CEP85L: variants seen among roughly 807,000 people sequenced by gnomAD.
CEP85L encodes centrosomal protein of 85 kDa-like.
In CEP85L, 60 loss-of-function variants were observed where a neutral mutation model predicts 100.3. The observed-to-expected ratio is 0.60, with a 90% confidence interval of 0.49 to 0.74. CEP85L has a LOEUF of 0.74. CEP85L is among the 30% of genes least tolerant of loss of function. CEP85L has a pLI of 0.00. For missense variants in CEP85L, 973 were observed against 936.2 expected, an observed-to-expected ratio of 1.04 and a Z score of -0.51; for synonymous variants, 319 against 322.7, an observed-to-expected ratio of 0.99 and a Z score of 0.12.
At chr6:118,567,044 T>G (rs1257423105) in intron 2 of CEP85L, among the ~76,000 whole-genome samples, 1 of 151,970 alleles carries the variant, frequency 6.6e-6, no homozygotes, top group Non-Finnish European at 1.5e-5. Flanking sequence ...TGTGAAAATC[T>G]ATGCCAGATC....
chr6:118,519,593 G>GGT lies in CEP85L; in HGVS notation c.1139+4207_1139+4208dup, dbSNP rs1554211644. On this transcript the variant is annotated intron_variant, in intron 4 of 12. Coordinates refer to ENST00000368491, the MANE Select transcript of CEP85L (RefSeq NM_001042475.3). ...GTGTGTGTGTGTGTGGCGGGGGGGG[G>GGT]GTGTGAAACTCCGTCTCAAAAAAAC... is the stretch of plus-strand genomic sequence containing the variant. Among the ~76,000 whole-genome samples, 35 of 55,140 alleles carry GGT rather than the reference G, an allele frequency of 6.3e-4. 2 individuals carry two copies. The highest frequency in any genetic ancestry group is 1.7e-3 in the East Asian group (4 of 2,296). The allele number at this position is 55,140 out of a possible 152,430, so 36.2% of individuals were successfully genotyped here.
chr6:118,562,786 G>A (rs1268897936), intron 3 of CEP85L, among the ~76,000 whole-genome samples: 2 of 152,114 alleles, frequency 1.3e-5, no homozygotes, highest in Non-Finnish European at 2.9e-5. Flanking sequence ...ACTGCCACCT[G>A]AAGTTCAGAA....
At chr6:118,518,649 C>A (rs1477109795) in intron 4 of CEP85L, among the ~76,000 whole-genome samples, 2 of 152,062 alleles carry the variant, frequency 1.3e-5, no homozygotes, top group Non-Finnish European at 2.9e-5. Context: ...GGATAGCAGT[C>A]TATCTATTTT....
intron 4 of CEP85L, among the ~76,000 whole-genome samples, chr6:118,522,221 G>A (rs1203088207): frequency 1.3e-5 from 2 of 152,100 alleles, no homozygotes; most frequent in African/African-American, 2.4e-5. Context: ...TTAGCCGGGC[G>A]TGACGGCGCA....
chr6:118,709,532 C>CGTGTGTGTGT (rs1209782027), intron 1 of CEP85L, among the ~76,000 whole-genome samples: 8,322 of 87,032 alleles, frequency 0.096, 452 homozygotes, highest in South Asian at 0.11. Context: ...CAACAATTGG[C>CGTGTGTGTGT]GTGTGTGTGT....
intron 5 of CEP85L, among the ~76,000 whole-genome samples, chr6:118,503,984 G>A (rs911761449): frequency 1.3e-5 from 2 of 152,086 alleles, no homozygotes; most frequent in Non-Finnish European, 2.9e-5. Context: ...ACAATGGCAG[G>A]AGAATGAGAA....
At chr6:118,607,325 T>C (rs1409619884) in intron 2 of CEP85L, among the ~76,000 whole-genome samples, 1 of 152,020 alleles carries the variant, frequency 6.6e-6, no homozygotes, top group Non-Finnish European at 1.5e-5. Context: ...GTGGGGAAGG[T>C]GAACAGCTTA....
intron 2 of CEP85L, among the ~76,000 whole-genome samples, chr6:118,572,435 C>G (rs960327249): frequency 6.6e-6 from 1 of 151,742 alleles, no homozygotes; most frequent in Non-Finnish European, 1.5e-5. Context: ...AGCAGGGTGT[C>G]CTGGTGGGCG....
chr6:118,601,282 G>T (rs1306372532), intron 2 of CEP85L, among the ~76,000 whole-genome samples: 1 of 152,080 alleles, frequency 6.6e-6, no homozygotes, highest in Non-Finnish European at 1.5e-5. Flanking sequence ...CTCTGTAAAG[G>T]CTATCAGTTA....
chr6:118,540,091 A>G (rs913718509), intron 3 of CEP85L, among the ~76,000 whole-genome samples: 3 of 150,432 alleles, frequency 2.0e-5, no homozygotes, highest in African/African-American at 7.4e-5. Flanking sequence ...CCAGTTCATC[A>G]CTGGCCTATA....
intron 1 of CEP85L, among the ~76,000 whole-genome samples, chr6:118,669,083 A>T (rs1776217404): frequency 6.6e-6 from 1 of 152,244 alleles, no homozygotes; most frequent in Non-Finnish European, 1.5e-5. Flanking sequence ...TGTCTCTAAA[A>T]ATATATAGAA....
At position 118,464,596 on chromosome 6, in the gene CEP85L, A is replaced by G. The variant is rs950824646; in HGVS notation, c.*809T>C. 11 of 151,764 alleles carry G rather than the reference A, an allele frequency of 7.2e-5. No individual in the cohort carries two copies. The highest frequency in any genetic ancestry group is 2.7e-4 in the African/African-American group (11 of 41,324). 9.4% of individuals were successfully genotyped at this position (151,764 alleles called of 1,614,324 possible). A position where few individuals can be genotyped will look rare whatever the true frequency, so the allele number is the denominator to read the frequency against. On this transcript the variant is annotated 3_prime_UTR_variant, in exon 13 of 13. Transcript: ENST00000368491. The stretch of plus-strand genomic sequence containing the variant: ...TGGCTTTGTTTACATTTATATATGT[A>G]TATATATAAAACATATAAATAAAAA...
At chr6:118,534,167 C>G (rs1777454094) in intron 3 of CEP85L, among the ~76,000 whole-genome samples, 1 of 152,052 alleles carries the variant, frequency 6.6e-6, no homozygotes, top group Non-Finnish European at 1.5e-5. Context: ...CTACTAGAAC[C>G]AATAAGTGAC....
At chr6:118,543,885 C>T (rs1292584725) in intron 3 of CEP85L, among the ~76,000 whole-genome samples, 2 of 152,100 alleles carry the variant, frequency 1.3e-5, no homozygotes, top group South Asian at 2.1e-4. Flanking sequence ...GAAAGAGTCA[C>T]AACGAAGGGT....
rs1383031990 is a variant in CEP85L at position 118,600,800 on chromosome 6, T to TAA, written c.232+31652_232+31653insTT. 1.3e-3 allele frequency among the ~76,000 whole-genome samples: 128 copies of TAA among 101,406 alleles called. 1 individual carries two copies. Among genetic ancestry groups the TAA allele is most frequent in the South Asian group, 3.4e-3 (10 of 2,972 alleles). 66.5% of individuals were successfully genotyped at this position (101,406 alleles called of 152,430 possible). A position where few individuals can be genotyped will look rare whatever the true frequency, so the allele number is the denominator to read the frequency against. On this transcript the variant is annotated intron_variant, in intron 2 of 12. Transcript: ENST00000368491. Reference sequence around the variant, plus strand: ...CCCTGCCTTCAGAGGGTTGTCTTTTTTAAAAAAAAAAAAAATCTTGAGTTT... The same window carrying TAA: ...CCCTGCCTTCAGAGGGTTGTCTTTTTAATAAAAAAAAAAAAAATCTTGAGTTT...
At chr6:118,542,917 A>AAAAAAAAAAC (rs758286537) in intron 3 of CEP85L, among the ~76,000 whole-genome samples, 28 of 150,064 alleles carry the variant, frequency 1.9e-4, no homozygotes, top group Admixed American at 3.3e-4. Flanking sequence ...AAAAAAAAAA[A>AAAAAAAAAAC]AAAAAACAGG....
chr6:118,635,770 T>C (rs548078545), intron 1 of CEP85L, among the ~76,000 whole-genome samples: 9 of 152,320 alleles, frequency 5.9e-5, no homozygotes, highest in Non-Finnish European at 8.8e-5. Flanking sequence ...CTATTGATTG[T>C]TGACAAGTCT....
At chr6:118,709,554 TGTGA>T (rs1311554563) in intron 1 of CEP85L, among the ~76,000 whole-genome samples, 6 of 147,358 alleles carry the variant, frequency 4.1e-5, no homozygotes, top group East Asian at 1.9e-4. Flanking sequence ...TGTGTGTGTG[TGTGA>T]GAGAGAGAGA....
chr6:118,690,850 T>C (rs117705480), intron 1 of CEP85L, among the ~76,000 whole-genome samples: 599 of 151,040 alleles, frequency 4.0e-3, no homozygotes, highest in Non-Finnish European at 7.1e-3. Context: ...AATAAAAAAT[T>C]AGCTAGACAT....
Sources: gnomAD v4.1 joint callset for allele counts (sites outside exome capture counted in the v4.1 genomes callset) on GRCh38, gnomAD v4.1.1 for gene constraint, MANE v1.5 for transcripts, NCBI Gene and HGNC (gene_info 2026-07-23, HGNC 2026-07-21) for gene names.